The following IGF2BP2 variants were observed in gnomAD, a reference collection of about 807,000 sequenced individuals.
IGF2BP2 encodes the protein insulin like growth factor 2 mRNA binding protein 2.
IGF2BP2 carries 17 observed loss-of-function variants against 75.8 expected under a neutral mutation model. The ratio of observed to expected loss-of-function variants is 0.22; its 90% CI spans 0.15 to 0.34. The LOEUF is 0.34. IGF2BP2 is among the 10% of genes least tolerant of loss of function. The pLI is 1.00. For synonymous variants in IGF2BP2, 288 were observed against 295.6 expected (o/e 0.97, Z 0.26); for missense variants, 516 against 772.4 (o/e 0.67, Z 3.93).
chr3:185,786,656 C>T (rs1223648761), intron 2 of IGF2BP2, among the ~76,000 whole-genome samples: 1 of 152,148 alleles, frequency 6.6e-6, no homozygotes, highest in Non-Finnish European at 1.5e-5. Flanking sequence ...GGACTCAGCC[C>T]ACCTGCACCC....
chr3:185,793,212 G>C (rs1446385854), intron 2 of IGF2BP2, among the ~76,000 whole-genome samples: 1 of 152,146 alleles, frequency 6.6e-6, no homozygotes, highest in Non-Finnish European at 1.5e-5. Context: ...GTGGCAGAAA[G>C]AACACAAGTT....
intron 2 of IGF2BP2, among the ~76,000 whole-genome samples, chr3:185,792,054 C>CA (rs1196860487): frequency 1.3e-5 from 2 of 152,122 alleles, no homozygotes; most frequent in Non-Finnish European, 2.9e-5. Flanking sequence ...CCTTTATTTC[C>CA]AAACCTCACT....
chr3:185,814,421 A>T (rs1218886249), intron 2 of IGF2BP2, among the ~76,000 whole-genome samples: 1 of 152,226 alleles, frequency 6.6e-6, no homozygotes, highest in Non-Finnish European at 1.5e-5. Flanking sequence ...AAAGGTCTCC[A>T]TGTAATCCAA....
chr3:185,707,461 A>G (rs1193232450), intron 2 of IGF2BP2, among the ~76,000 whole-genome samples: 1 of 151,592 alleles, frequency 6.6e-6, no homozygotes, highest in Non-Finnish European at 1.5e-5. Context: ...GGCGCCCACT[A>G]CCATGCCCGG....
intron 10 of IGF2BP2, among the ~76,000 whole-genome samples, chr3:185,663,409 C>T (rs890633573): frequency 2.0e-5 from 3 of 152,202 alleles, no homozygotes; most frequent in African/African-American, 7.2e-5. Context: ...TTCAAACTCT[C>T]AACTTCAGGA....
intron 2 of IGF2BP2, among the ~76,000 whole-genome samples, chr3:185,819,599 AAACT>A (rs1246768646): frequency 6.6e-6 from 1 of 151,930 alleles, no homozygotes; most frequent in Non-Finnish European, 1.5e-5. Context: ...TTTTCCTGGG[AAACT>A]AAAAGTTTAA....
chr3:185,790,422 T>C (rs1437698057), intron 2 of IGF2BP2, among the ~76,000 whole-genome samples: 3 of 152,140 alleles, frequency 2.0e-5, no homozygotes, highest in Non-Finnish European at 1.5e-5. Flanking sequence ...AACAAAGAGC[T>C]TTAAGGGAAC....
chr3:185,764,875 G>C (rs1732844671), intron 2 of IGF2BP2, among the ~76,000 whole-genome samples: 1 of 152,152 alleles, frequency 6.6e-6, no homozygotes, highest in African/African-American at 2.4e-5. Flanking sequence ...CCAGCTCTGA[G>C]ACAATGGGGC....
At chr3:185,783,475 C>T (rs1292674104) in intron 2 of IGF2BP2, among the ~76,000 whole-genome samples, 1 of 152,184 alleles carries the variant, frequency 6.6e-6, no homozygotes, top group Non-Finnish European at 1.5e-5. Flanking sequence ...CCCAAGATTC[C>T]AACCCAGGAG....
At chr3:185,658,093 C>T (rs1715742169) in intron 11 of IGF2BP2, among the ~76,000 whole-genome samples, 3 of 152,198 alleles carry the variant, frequency 2.0e-5, no homozygotes, top group South Asian at 2.1e-4. Flanking sequence ...TGCAGCAGTT[C>T]CTGCGACCTG....
Position 185,737,949 on chromosome 3 carries a change from G to A in IGF2BP2, c.240-39602C>T, listed in dbSNP as rs536364891. 1.6e-3 allele frequency among the ~76,000 whole-genome samples: 244 copies of A among 152,314 alleles called. 1 individual carries two copies. The highest frequency in any genetic ancestry group is 3.4e-3 in the Middle Eastern group (1 of 294). On this transcript the variant is annotated intron_variant, in intron 2 of 15. Coordinates refer to ENST00000382199, the MANE Select transcript of IGF2BP2 (RefSeq NM_006548.6). ...AAACAGAATTACTAGGTCAAAGGGT[G>A]TGACCATATTTAGGCCTCAAATTTC...
intron 2 of IGF2BP2, among the ~76,000 whole-genome samples, chr3:185,756,920 G>A (rs567783650): frequency 3.2e-4 from 48 of 152,270 alleles, no homozygotes; most frequent in African/African-American, 9.1e-4. Flanking sequence ...ACTAATCTAT[G>A]ATCACACCAC....
intron 2 of IGF2BP2, among the ~76,000 whole-genome samples, chr3:185,772,385 A>G (rs1733995034): frequency 6.6e-6 from 1 of 152,170 alleles, no homozygotes; most frequent in South Asian, 2.1e-4. Context: ...CACGATATCT[A>G]AATATTTTCA....
intron 10 of IGF2BP2, among the ~76,000 whole-genome samples, chr3:185,665,916 A>G (rs2149168279): frequency 6.6e-6 from 1 of 152,234 alleles, no homozygotes; most frequent in African/African-American, 2.4e-5. Context: ...GCAGTGAGCC[A>G]AAATTGCACC....
intron 14 of IGF2BP2, among the ~76,000 whole-genome samples, chr3:185,648,462 T>TAA (rs1713990773): frequency 9.3e-6 from 1 of 107,474 alleles, no homozygotes; most frequent in Non-Finnish European, 1.8e-5. Flanking sequence ...AAACTCTGTC[T>TAA]CAAAAAAAAA....
At chr3:185,743,717 T>C (rs1182143561) in intron 2 of IGF2BP2, among the ~76,000 whole-genome samples, 6 of 152,340 alleles carry the variant, frequency 3.9e-5, no homozygotes, top group African/African-American at 1.4e-4. Flanking sequence ...ACCAATCCAT[T>C]GCCTCTTTTG....
In IGF2BP2 at chr3:185,647,952, G is replaced by A. The variant is rs1015799975; in HGVS notation, c.1594-814C>T. On this transcript the variant is annotated intron_variant, in intron 14 of 15. Coordinates refer to ENST00000382199, the MANE Select transcript of IGF2BP2 (RefSeq NM_006548.6). This position sits in a 1 kb window ranked among gnomAD's most constrained non-coding sequence, Gnocchi z 4.9. ...GAAATAGCTAAACAGGACACCCAGG[G>A]GCTCAGGATTCTACTCCCTGCTGAT... Among the ~76,000 whole-genome samples, 2 of 152,230 alleles carry A rather than the reference G, an allele frequency of 1.3e-5. No homozygotes were observed. The highest frequency in any genetic ancestry group is 6.5e-5 in the Admixed American group (1 of 15,282).
intron 2 of IGF2BP2, among the ~76,000 whole-genome samples, chr3:185,749,711 A>C (rs1218527572): frequency 6.6e-6 from 1 of 152,204 alleles, no homozygotes; most frequent in Non-Finnish European, 1.5e-5. Context: ...TAAAAAGTTA[A>C]ATAGGACCTG....
At chr3:185,742,820 G>A (rs899325607) in intron 2 of IGF2BP2, among the ~76,000 whole-genome samples, 36 of 152,164 alleles carry the variant, frequency 2.4e-4, no homozygotes, top group African/African-American at 8.4e-4. Context: ...CTGCATTGCG[G>A]CCAGGCACAG....
Sources: allele counts gnomAD v4.1 joint callset (sites outside exome capture counted in the v4.1 genomes callset), GRCh38; gene constraint gnomAD v4.1.1; non-coding constraint Gnocchi (gnomAD v3.1); transcripts MANE v1.5; gene names NCBI Gene and HGNC (gene_info 2026-07-23, HGNC 2026-07-21).